Variants in PPP3CB observed in about 807,000 individuals in gnomAD.
PPP3CB encodes protein phosphatase 3 catalytic subunit beta, also known as serine/threonine-protein phosphatase 2B catalytic subunit beta isoform.
A neutral mutation model predicts 66.4 loss-of-function variants in PPP3CB; 8 were observed. The observed-to-expected ratio is 0.12, with a 90% CI of 0.07 to 0.22. The LOEUF is 0.22. PPP3CB is among the 10% of genes least tolerant of loss of function. PPP3CB has a pLI of 1.00. For synonymous variants in PPP3CB, 208 were observed against 221.2 expected (o/e 0.94, Z 0.53); for missense variants, 319 against 642.5 (o/e 0.50, Z 5.44).
At chr10:73,447,954 G>C (rs1370377543) in intron 10 of PPP3CB, among the ~76,000 whole-genome samples, 1 of 150,772 alleles carries the variant, frequency 6.6e-6, no homozygotes, top group Non-Finnish European at 1.5e-5. Context: ...TAGAATATTA[G>C]AATTTGAAGA....
chr10:73,476,091 G>A (rs2056783667), intron 3 of PPP3CB, among the ~76,000 whole-genome samples: 1 of 151,582 alleles, frequency 6.6e-6, no homozygotes, highest in Non-Finnish European at 1.5e-5. Context: ...GAACTCCCAG[G>A]TTCAAGCAAT....
At chr10:73,448,989 G>GA (rs943229006) in intron 10 of PPP3CB, among the ~76,000 whole-genome samples, 2 of 152,008 alleles carry the variant, frequency 1.3e-5, no homozygotes, top group African/African-American at 4.8e-5. Flanking sequence ...ATTAGGGACA[G>GA]AAAAAAACAT....
chr10:73,495,620 C>A, intron 1 of PPP3CB, 185 bp downstream of exon 1: 3 of 859,922 alleles, frequency 3.5e-6, no homozygotes, highest in Non-Finnish European at 3.1e-6. Context: ...ACCGGGAGAC[C>A]GCGGAACCAC....
chr10:73,454,339 G>T, intron 10 of PPP3CB, 73 bp downstream of exon 10: 4 of 1,121,982 alleles, frequency 3.6e-6, no homozygotes, highest in Admixed American at 4.4e-5. Flanking sequence ...GCAAAATAGT[G>T]TGTACTGAGG....
At chr10:73,439,150 T>A (rs1259754979) in intron 13 of PPP3CB, among the ~76,000 whole-genome samples, 1 of 152,196 alleles carries the variant, frequency 6.6e-6, no homozygotes, top group Non-Finnish European at 1.5e-5. Flanking sequence ...ATTCACTTCA[T>A]CTAGAATGAT....
chr10:73,489,371 A>G (rs1251070447), intron 1 of PPP3CB, among the ~76,000 whole-genome samples: 2 of 150,828 alleles, frequency 1.3e-5, no homozygotes, highest in Non-Finnish European at 3.0e-5. Context: ...GCCATCAAAA[A>G]ACAAGATACT....
At chr10:73,450,896 A>G (rs1284999655) in intron 10 of PPP3CB, among the ~76,000 whole-genome samples, 1 of 152,144 alleles carries the variant, frequency 6.6e-6, no homozygotes, top group African/African-American at 2.4e-5. Context: ...GATCAAATTC[A>G]ATTCATCCCT....
chr10:73,469,054 T>G (rs1362013665), intron 8 of PPP3CB, among the ~76,000 whole-genome samples: 2 of 152,196 alleles, frequency 1.3e-5, no homozygotes, highest in Non-Finnish European at 2.9e-5. Context: ...AGTCAATGGT[T>G]TGAGCCTCTT....
At chr10:73,488,302 T>G (rs1185534129) in intron 1 of PPP3CB, among the ~76,000 whole-genome samples, 1 of 152,102 alleles carries the variant, frequency 6.6e-6, no homozygotes, top group African/African-American at 2.4e-5. Flanking sequence ...TGCAGCACTT[T>G]GGGAGGCCAA....
rs943501511 is a variant in PPP3CB at position 73,479,238 on chromosome 10, T to C, written c.286+79A>G. 1.8e-5 allele frequency: 23 copies of C among 1,283,448 alleles called. No individual in the cohort carries two copies. In the African/African-American group the frequency reaches 2.7e-4, roughly 15 times the overall value. The allele number at this position is 1,283,448 out of a possible 1,614,324, so 79.5% of individuals were successfully genotyped here. A position where few individuals can be genotyped will look rare whatever the true frequency, so the allele number is the denominator to read the frequency against. On this transcript the variant is annotated intron_variant, in intron 2 of 13. Transcript: ENST00000360663. ...AATATTGATTTAGCATACAGTATCATTGAAAACAGTAAGTTGTAAATCCAG... is the reference window on the plus strand; with the variant it reads ...AATATTGATTTAGCATACAGTATCACTGAAAACAGTAAGTTGTAAATCCAG...
intron 9 of PPP3CB, among the ~76,000 whole-genome samples, chr10:73,456,264 C>G (rs1287854331): frequency 1.3e-5 from 2 of 152,162 alleles, no homozygotes; most frequent in Non-Finnish European, 2.9e-5. Context: ...CTTCAACAAG[C>G]TTACTAACTA....
At chr10:73,448,896 CTA>C (rs2056302988) in intron 10 of PPP3CB, among the ~76,000 whole-genome samples, 1 of 151,888 alleles carries the variant, frequency 6.6e-6, no homozygotes, top group Non-Finnish European at 1.5e-5. Context: ...AGGTAGAACT[CTA>C]AAGTAAAGAT....
intron 1 of PPP3CB, among the ~76,000 whole-genome samples, 187 bp from the exon 2 acceptor site, chr10:73,479,704 C>T (rs1357061666): frequency 6.6e-6 from 1 of 152,128 alleles, no homozygotes; most frequent in Non-Finnish European, 1.5e-5. Context: ...TTTATACTAA[C>T]ATGTTCTTTG....
intron 3 of PPP3CB, chr10:73,477,140 T>C: frequency 1.9e-6 from 1 of 516,662 alleles, no homozygotes; most frequent in South Asian, 1.4e-5. Flanking sequence ...ATAAAATGAA[T>C]AAAACAACAG....
At chr10:73,485,323 A>G (rs1010745622) in intron 1 of PPP3CB, among the ~76,000 whole-genome samples, 2 of 152,224 alleles carry the variant, frequency 1.3e-5, no homozygotes, top group South Asian at 4.1e-4. Context: ...CAGACTGATC[A>G]GGAATTGGGA....
intron 8 of PPP3CB, among the ~76,000 whole-genome samples, chr10:73,469,752 A>G (rs886427688): frequency 1.3e-5 from 2 of 152,170 alleles, no homozygotes; most frequent in African/African-American, 4.8e-5. Context: ...TTTTGAACTT[A>G]CACCATGACC....
chr10:73,459,910 TA>T (rs1297353415), intron 9 of PPP3CB, among the ~76,000 whole-genome samples: 2 of 152,090 alleles, frequency 1.3e-5, no homozygotes, highest in Non-Finnish European at 2.9e-5. Context: ...CTGTAGTATA[TA>T]AAAAACATGG....
chr10:73,468,476 G>T (rs891278034), intron 8 of PPP3CB, among the ~76,000 whole-genome samples: 2 of 152,154 alleles, frequency 1.3e-5, no homozygotes, highest in African/African-American at 2.4e-5. Flanking sequence ...GCAATGCTTG[G>T]TAAATTATTC....
intron 3 of PPP3CB, 143 bp from the exon 4 acceptor site, chr10:73,475,173 TCA>T (rs2056767887): frequency 8.3e-7 from 1 of 1,201,132 alleles, no homozygotes; most frequent in Non-Finnish European, 1.1e-6. Flanking sequence ...CACCACAAAA[TCA>T]CAGATTTTGT....
Sources: allele counts gnomAD v4.1 joint callset (sites outside exome capture counted in the v4.1 genomes callset), GRCh38; gene constraint gnomAD v4.1.1; transcripts MANE v1.5; gene names NCBI Gene and HGNC (gene_info 2026-07-23, HGNC 2026-07-21).